The following ZMIZ1 variants were observed in gnomAD, a reference collection of about 807,000 sequenced individuals.
The protein encoded by ZMIZ1 is zinc finger MIZ-type containing 1.
ZMIZ1 carries 17 observed loss-of-function variants against 113.9 expected under a neutral mutation model. The ratio of observed to expected loss-of-function variants is 0.15; its 90% CI spans 0.10 to 0.22. ZMIZ1 has a LOEUF of 0.22. ZMIZ1 is among the 10% of genes least tolerant of loss of function. The pLI, the probability that ZMIZ1 is intolerant of heterozygous loss-of-function variation, is 1.00. For synonymous variants in ZMIZ1, 607 were observed against 603.1 expected, an observed-to-expected ratio of 1.01 and a Z score of -0.09; for missense variants, 1,059 against 1,477.8, an observed-to-expected ratio of 0.72 and a Z score of 4.65.
intron 22 of ZMIZ1, 127 bp downstream of exon 22, chr10:79,306,471 C>A: frequency 4.1e-6 from 6 of 1,449,870 alleles, no homozygotes; most frequent in Non-Finnish European, 5.5e-6. Flanking sequence ...AGTAACACAT[C>A]CCCCAAAAAA....
chr10:79,104,742 A>AGC (rs1394333119), intron 1 of ZMIZ1, among the ~76,000 whole-genome samples: 4 of 152,188 alleles, frequency 2.6e-5, no homozygotes, highest in Non-Finnish European at 5.9e-5. Flanking sequence ...ACCTCACCGT[A>AGC]GCCTTGGGGA....
At chr10:79,272,803 A>T (rs916353968) in intron 7 of ZMIZ1, among the ~76,000 whole-genome samples, 19 of 152,200 alleles carry the variant, frequency 1.2e-4, no homozygotes, top group African/African-American at 4.6e-4. Flanking sequence ...TTTACGTTTT[A>T]CGCTGAGACA....
chr10:79,243,740 T>C, intron 7 of ZMIZ1: 1 of 277,060 alleles, frequency 3.6e-6, no homozygotes, highest in Non-Finnish European at 7.1e-6. Flanking sequence ...AACTTCTAGG[T>C]AAGTGCGGGG....
At chr10:79,275,911 C>T (rs1050182128) in intron 7 of ZMIZ1, among the ~76,000 whole-genome samples, 4 of 152,218 alleles carry the variant, frequency 2.6e-5, no homozygotes, top group African/African-American at 4.8e-5. Context: ...TGCAGAAGCA[C>T]GTTGTGCAGC....
At chr10:79,277,063 C>T (rs1037886631) in intron 7 of ZMIZ1, 118 bp from the exon 8 acceptor site, 4 of 1,318,950 alleles carry the variant, frequency 3.0e-6, no homozygotes, top group South Asian at 1.7e-5. Flanking sequence ...TGGCGTCACA[C>T]GAATCTGGGA....
At chr10:79,213,238 C>T (rs1381630415) in intron 6 of ZMIZ1, among the ~76,000 whole-genome samples, 2 of 152,188 alleles carry the variant, frequency 1.3e-5, no homozygotes, top group East Asian at 1.9e-4. Flanking sequence ...GCTGAGCCCA[C>T]GCTCCCACCA....
chr10:79,289,929 G>A (rs1011561795), intron 9 of ZMIZ1, 40 bp downstream of exon 9: 1 of 1,590,258 alleles, frequency 6.3e-7, no homozygotes, highest in Non-Finnish European at 8.6e-7. Flanking sequence ...CTCTTTCTAG[G>A]CGGGAGTGTC....
chr10:79,113,251 G>A (rs1843824855), intron 1 of ZMIZ1, among the ~76,000 whole-genome samples: 1 of 152,240 alleles, frequency 6.6e-6, no homozygotes. Flanking sequence ...GCAGGAGGGA[G>A]CCTGTCTTCT....
At position 79,312,996 on chromosome 10, in the gene ZMIZ1, G is replaced by A; in HGVS notation, c.*247G>A. Reference sequence around the variant, plus strand: ...CTCCACACCCTTGGCTTGGGCCCATGCCCAGCGCAGGCCTGAAGACCACCC... The same window carrying A: ...CTCCACACCCTTGGCTTGGGCCCATACCCAGCGCAGGCCTGAAGACCACCC... On this transcript the variant is annotated 3_prime_UTR_variant, in exon 25 of 25. Transcript: ENST00000334512. 1.9e-6 allele frequency: 1 copy of A among 540,026 alleles called. No homozygotes were observed. The highest frequency in any genetic ancestry group is 3.3e-6 in the Non-Finnish European group (1 of 301,508). 33.5% of individuals were successfully genotyped at this position (540,026 alleles called of 1,614,324 possible). A position where few individuals can be genotyped will look rare whatever the true frequency, so the allele number is the denominator to read the frequency against.
At chr10:79,159,167 CT>C (rs1205940602) in intron 3 of ZMIZ1, among the ~76,000 whole-genome samples, 2 of 152,328 alleles carry the variant, frequency 1.3e-5, no homozygotes, top group East Asian at 3.9e-4. Flanking sequence ...GCACCAAGGC[CT>C]TTCCACAAAA....
intron 4 of ZMIZ1, among the ~76,000 whole-genome samples, chr10:79,173,991 C>T (rs186035043): frequency 3.2e-4 from 49 of 152,310 alleles, no homozygotes; most frequent in Non-Finnish European, 5.1e-4. Context: ...AATTTGTTTC[C>T]GATGGAGCTG....
intron 7 of ZMIZ1, among the ~76,000 whole-genome samples, chr10:79,221,107 C>T (rs1024533452): frequency 3.9e-5 from 6 of 152,184 alleles, no homozygotes; most frequent in Non-Finnish European, 7.4e-5. Flanking sequence ...CGCCCTGGCG[C>T]TGCATCCCCC....
chr10:79,111,543 C>T (rs746047834), intron 1 of ZMIZ1, among the ~76,000 whole-genome samples: 10 of 151,992 alleles, frequency 6.6e-5, no homozygotes, highest in South Asian at 2.1e-4. Flanking sequence ...GTGTGGGTGA[C>T]GGGGGAGGCG....
chr10:79,285,074 C>T (rs1473226402), intron 8 of ZMIZ1, among the ~76,000 whole-genome samples: 5 of 152,180 alleles, frequency 3.3e-5, no homozygotes, highest in Admixed American at 6.5e-5. Flanking sequence ...TCCCTTGCCT[C>T]GTGGCCATCT....
chr10:79,287,267 C>T (rs1853147636), intron 8 of ZMIZ1, among the ~76,000 whole-genome samples: 1 of 152,146 alleles, frequency 6.6e-6, no homozygotes, highest in Admixed American at 6.5e-5. Context: ...TGTTTCTCTG[C>T]ACTGCCCACT....
In ZMIZ1 at chr10:79,069,789, A is replaced by G. The variant is rs928534523; in HGVS notation, c.-337+519A>G. Among the ~76,000 whole-genome samples, 1 of 152,156 alleles carries G rather than the reference A, an allele frequency of 6.6e-6. No homozygotes were observed. Among genetic ancestry groups the G allele is most frequent in the African/African-American group, 2.4e-5 (1 of 41,440 alleles). On this transcript the variant is annotated intron_variant, in intron 1 of 24. Transcript: ENST00000334512. The surrounding 1 kb of genome is among the most constrained non-coding windows in gnomAD (Gnocchi z 4.6). Reference sequence around the variant, plus strand: ...TGTTAACTTGTGCGTCTGAATTTCCAGGGAAAACATACACTTTTGTAAATG... The same window carrying G: ...TGTTAACTTGTGCGTCTGAATTTCCGGGGAAAACATACACTTTTGTAAATG...
At chr10:79,203,186 G>A (rs1848172992) in intron 5 of ZMIZ1, among the ~76,000 whole-genome samples, 1 of 152,182 alleles carries the variant, frequency 6.6e-6, no homozygotes, top group African/African-American at 2.4e-5. Context: ...TTGAGGGCCA[G>A]GACCCAGACG....
chr10:79,164,610 G>A (rs958498511), intron 4 of ZMIZ1, among the ~76,000 whole-genome samples: 1 of 152,214 alleles, frequency 6.6e-6, no homozygotes, highest in Non-Finnish European at 1.5e-5. Context: ...ACTCCGGCCA[G>A]GAGACCTCAG....
At chr10:79,097,802 C>T (rs528053065) in intron 1 of ZMIZ1, among the ~76,000 whole-genome samples, 26 of 152,090 alleles carry the variant, frequency 1.7e-4, no homozygotes, top group African/African-American at 5.5e-4. Context: ...TTCATGGCAC[C>T]TCTCTGTGGG....
Sources: gnomAD v4.1 joint callset for allele counts (sites outside exome capture counted in the v4.1 genomes callset) on GRCh38, gnomAD v4.1.1 for gene constraint, Gnocchi (gnomAD v3.1) non-coding constraint, MANE v1.5 for transcripts, NCBI Gene and HGNC (gene_info 2026-07-23, HGNC 2026-07-21) for gene names.